Variants in PARP14 observed in about 807,000 individuals in gnomAD.
The protein encoded by PARP14 is protein mono-ADP-ribosyltransferase PARP14.
Under a neutral mutation model 154.2 loss-of-function variants are expected in PARP14, and 59 were observed. The ratio of observed to expected loss-of-function variants is 0.38; its 90% confidence interval spans 0.31 to 0.48. PARP14 has a LOEUF of 0.48. Ranked by LOEUF, PARP14 falls within the 20% of genes least tolerant of loss-of-function variation. PARP14 has a pLI of 0.98. For synonymous variants in PARP14, 720 were observed against 780.5 expected (o/e 0.92, Z 1.29); for missense variants, 1,734 against 2,131.6 (o/e 0.81, Z 3.67).
intron 12 of PARP14, among the ~76,000 whole-genome samples, chr3:122,716,372 C>T (rs796707189): frequency 3.3e-5 from 5 of 152,242 alleles, no homozygotes; most frequent in African/African-American, 1.2e-4. Context: ...TCTTCATTAG[C>T]TTAGGAATTA....
chr3:122,720,313 G>GC lies in PARP14; in HGVS notation c.4867dup (p.Leu1623ProfsTer3). 2 of 1,612,718 alleles carry GC rather than the reference G, an allele frequency of 1.2e-6. No homozygotes were observed. The highest frequency in any genetic ancestry group is 1.7e-6 in the Non-Finnish European group (2 of 1,179,194). On this transcript the variant is annotated frameshift_variant, in exon 15 of 17. Transcript: ENST00000474629. LOFTEE classifies it high-confidence loss of function. ...AGCAGAATTTCTGTGTGGTGGAGCTGCTGCCTAGTGATCCTGAGTACAACA... is the reference window on the plus strand; with the variant it reads ...AGCAGAATTTCTGTGTGGTGGAGCTGCCTGCCTAGTGATCCTGAGTACAACA...
At position 122,699,918 on chromosome 3, in the gene PARP14, G is replaced by T. The variant is rs1441807006; in HGVS notation, c.1364G>T (p.Ser455Ile). The T allele has an allele frequency of 6.2e-7, 1 of 1,613,908 alleles. No homozygotes were observed. Among genetic ancestry groups the T allele is most frequent in the Non-Finnish European group, 8.5e-7 (1 of 1,179,850 alleles). The change falls in exon 6 of 17, where the codon AGC (serine) becomes ATC (isoleucine). Residue 455 changes from serine to isoleucine, a missense_variant. Ser to Ile is a moderately radical substitution (Grantham distance 142). Transcript: ENST00000474629. ...IEVQVRELIE[S>I]TTQKIKREEQ... Reference sequence around the variant, plus strand: ...GTACAAGTCAGGGAGTTAATAGAAAGCACTACTCAAAAAATTAAAAGGGAA... The same window carrying T: ...GTACAAGTCAGGGAGTTAATAGAAATCACTACTCAAAAAATTAAAAGGGAA...
intron 9 of PARP14, among the ~76,000 whole-genome samples, chr3:122,712,943 G>A (rs1939369869): frequency 6.6e-6 from 1 of 152,180 alleles, no homozygotes; most frequent in South Asian, 2.1e-4. Context: ...ATACAGACTT[G>A]ACATTTTAAA....
intron 3 of PARP14, among the ~76,000 whole-genome samples, chr3:122,688,931 G>A (rs964162528): frequency 2.6e-5 from 4 of 152,254 alleles, no homozygotes; most frequent in African/African-American, 9.6e-5. Flanking sequence ...AAGATCAGGT[G>A]AAGTCAGCAC....
At chr3:122,715,380 A>G (rs1344876506) in intron 12 of PARP14, among the ~76,000 whole-genome samples, 1 of 152,072 alleles carries the variant, frequency 6.6e-6, no homozygotes, top group Non-Finnish European at 1.5e-5. Flanking sequence ...AAACTTAACC[A>G]TCCTTGTCAA....
Position 122,699,566 on chromosome 3 carries a change from A to G in PARP14, c.1012A>G (p.Asn338Asp), listed in dbSNP as rs775841177. The G allele has an allele frequency of 1.2e-6, 2 of 1,614,034 alleles. No individual in the cohort carries two copies. Among genetic ancestry groups the G allele is most frequent in the South Asian group, 1.1e-5 (1 of 91,084 alleles). ...LPLWKFLQKK[N>D]HLIEEINDEM... is the part of the protein sequence containing the mutation. ...CTTATGGAAGTTCTTACAGAAAAAGAATCACCTCATTGAGGAGATAAACGA... is the reference window on the plus strand; with the variant it reads ...CTTATGGAAGTTCTTACAGAAAAAGGATCACCTCATTGAGGAGATAAACGA... The change falls in exon 6 of 17, where the codon AAT becomes GAT. Residue 338 changes from asparagine (N) to aspartate (D), a missense_variant. Physicochemically the swap from Asn to Asp is conservative, Grantham distance 23. Coordinates refer to ENST00000474629, the MANE Select transcript of PARP14 (RefSeq NM_017554.3).
Position 122,730,630 on chromosome 3 carries a change from C to T in PARP14, c.*2033C>T, listed in dbSNP as rs114404480. On this transcript the variant is annotated 3_prime_UTR_variant, in exon 17 of 17. Coordinates refer to ENST00000474629, the MANE Select transcript of PARP14 (RefSeq NM_017554.3). The stretch of plus-strand genomic sequence containing the variant: ...CACTGGCATCTGAATTCATCATTGA[C>T]AATAAATGTAAGAAATTGGAATAAA... 1 of 152,504 alleles carries T rather than the reference C, an allele frequency of 6.6e-6. No individual in the cohort carries two copies. Among genetic ancestry groups the T allele is most frequent in the African/African-American group, 2.4e-5 (1 of 41,396 alleles). 9.4% of individuals were successfully genotyped at this position (152,504 alleles called of 1,614,324 possible).
chr3:122,728,274 T>G (rs755687853), intron 16 of PARP14, 34 bp from the exon 17 acceptor site: 2 of 1,579,710 alleles, frequency 1.3e-6, no homozygotes, highest in African/African-American at 1.3e-5. Context: ...TTACATTAAC[T>G]TGAAATGCTT....
At chr3:122,703,255 G>A (rs1454987556) in intron 6 of PARP14, among the ~76,000 whole-genome samples, 2 of 152,080 alleles carry the variant, frequency 1.3e-5, no homozygotes, top group Admixed American at 6.5e-5. Flanking sequence ...CTTTCTGTCA[G>A]GGAGTCCAGA....
intron 9 of PARP14, among the ~76,000 whole-genome samples, chr3:122,708,593 G>T (rs949261092): frequency 4.6e-5 from 7 of 152,254 alleles, no homozygotes; most frequent in African/African-American, 1.7e-4. Flanking sequence ...TTTCACCTTT[G>T]TCAAATTTGT....
intron 9 of PARP14, among the ~76,000 whole-genome samples, chr3:122,711,726 T>C (rs1157555487): frequency 6.6e-6 from 1 of 152,168 alleles, no homozygotes; most frequent in Non-Finnish European, 1.5e-5. Context: ...TTTTTGTTGT[T>C]GGCAATTTTT....
At chr3:122,707,800 A>G (rs1033510347) in intron 8 of PARP14, among the ~76,000 whole-genome samples, 4 of 152,242 alleles carry the variant, frequency 2.6e-5, no homozygotes, top group African/African-American at 9.6e-5. Context: ...TGGGCAACAC[A>G]GCAAGACCTC....
intron 14 of PARP14, 103 bp from the exon 15 acceptor site, chr3:122,720,152 T>C (rs1368871519): frequency 1.7e-6 from 2 of 1,166,936 alleles, no homozygotes; most frequent in Non-Finnish European, 2.4e-6. Context: ...AGGAACTCTT[T>C]GAATGCTTAG....
At chr3:122,702,263 C>T (rs1428402522) in intron 6 of PARP14, among the ~76,000 whole-genome samples, 1 of 152,174 alleles carries the variant, frequency 6.6e-6, no homozygotes, top group Non-Finnish European at 1.5e-5. Flanking sequence ...GTCATCCAGG[C>T]TGGAGTGCAG....
At chr3:122,688,411 G>A (rs1938440585) in intron 3 of PARP14, among the ~76,000 whole-genome samples, 1 of 152,092 alleles carries the variant, frequency 6.6e-6, no homozygotes, top group Non-Finnish European at 1.5e-5. Context: ...TGTATTCCCA[G>A]CGAAAGCCCC....
At chr3:122,683,291 A>T (rs1487495646) in intron 1 of PARP14, 1 of 984,810 alleles carries the variant, frequency 1.0e-6, no homozygotes, top group Non-Finnish European at 1.2e-6. Context: ...CATGCCAGGA[A>T]GTGGCCTCAA....
chr3:122,699,456 A>G lies in PARP14; in HGVS notation c.902A>G (p.Tyr301Cys), dbSNP rs1221415232. The G allele has an allele frequency of 6.2e-7, 1 of 1,613,742 alleles. No individual in the cohort carries two copies. The highest frequency in any genetic ancestry group is 1.3e-5 in the African/African-American group (1 of 74,932). ...ATGCCACTTTCTGTGTTCCCATACT[A>G]TGCCTCATTGGGCACAGCCTTGTAT... is the stretch of plus-strand genomic sequence containing the variant. ...NKMPLSVFPY[Y>C]ASLGTALYGK... The change falls in exon 6 of 17, where the codon TAT (tyrosine) becomes TGT (cysteine). Residue 301 changes from tyrosine to cysteine, a missense_variant. Tyr to Cys is a radical substitution (Grantham distance 194, BLOSUM62 -2). Transcript: ENST00000474629.
intron 3 of PARP14, among the ~76,000 whole-genome samples, chr3:122,687,442 G>A (rs1269531727): frequency 6.6e-6 from 1 of 152,236 alleles, no homozygotes; most frequent in Non-Finnish European, 1.5e-5. Flanking sequence ...GAGAAGCAAG[G>A]ACACGATATG....
intron 9 of PARP14, among the ~76,000 whole-genome samples, chr3:122,710,819 A>G (rs1249420246): frequency 6.7e-6 from 1 of 149,054 alleles, no homozygotes; most frequent in African/African-American, 2.5e-5. Flanking sequence ...TTATTTATTT[A>G]TTTATTTATT....
Sources: gnomAD v4.1 joint callset for allele counts (sites outside exome capture counted in the v4.1 genomes callset) on GRCh38, gnomAD v4.1.1 for gene constraint, MANE v1.5 for transcripts, NCBI Gene and HGNC (gene_info 2026-07-23, HGNC 2026-07-21) for gene names.